GAK: variants seen among roughly 807,000 people sequenced by gnomAD.
The protein encoded by GAK is cyclin-G-associated kinase.
A neutral mutation model predicts 143.9 loss-of-function variants in GAK; 79 were observed. The observed-to-expected ratio is 0.55, with a 90% CI of 0.46 to 0.66. The LOEUF (loss-of-function observed/expected upper bound fraction) is 0.66. GAK is among the 30% of genes least tolerant of loss of function. The pLI is 0.00. For synonymous variants in GAK, 881 were observed against 765.5 expected, an observed-to-expected ratio of 1.15 and a Z score of -2.49; for missense variants, 1,693 against 1,779.7, an observed-to-expected ratio of 0.95 and a Z score of 0.88.
intron 26 of GAK, 165 bp from the exon 27 acceptor site, chr4:850,233 G>C (rs1747881009): frequency 3.2e-6 from 2 of 618,146 alleles, no homozygotes; most frequent in South Asian, 2.5e-5. Flanking sequence ...CAACTATATA[G>C]AGCCCACTCC....
Position 876,976 on chromosome 4 carries a change from A to G in GAK, c.1974+114T>C, listed in dbSNP as rs929641385. ...CGCCACATGAGAGCCCACGGCACTC[A>G]CCAAACAGCGAGCACCCTGGACCCT... On this transcript the variant is annotated intron_variant, in intron 17 of 27. Transcript: ENST00000314167. The G allele has an allele frequency of 3.5e-5, 25 of 718,750 alleles. No homozygotes were observed. In the African/African-American group the frequency reaches 4.4e-4, roughly 13 times the overall value. The allele number at this position is 718,750 out of a possible 1,614,324, so 44.5% of individuals were successfully genotyped here.
chr4:890,269 G>A (rs895309072), intron 10 of GAK, among the ~76,000 whole-genome samples: 11 of 152,164 alleles, frequency 7.2e-5, no homozygotes, highest in African/African-American at 2.2e-4. Context: ...GCCCTGCCCT[G>A]GAGCCTCTTC....
chr4:859,540 G>A (rs1749906193), intron 24 of GAK, 66 bp downstream of exon 24: 1 of 1,591,058 alleles, frequency 6.3e-7, no homozygotes, highest in Non-Finnish European at 8.6e-7. Flanking sequence ...CTCAGAGTCA[G>A]ATAGACGAGA....
rs967061201 is a variant in GAK, at chr4:905,482, C to T, written c.383-703G>A. ...CTCCGCCACGCCCCATGCCATGCTACGGACTCCGCCACGCCCCATGCCACG... is the reference window on the plus strand; with the variant it reads ...CTCCGCCACGCCCCATGCCATGCTATGGACTCCGCCACGCCCCATGCCACG... On this transcript the variant is annotated intron_variant, in intron 4 of 27. Coordinates refer to ENST00000314167, the MANE Select transcript of GAK (RefSeq NM_005255.4). 4.9e-5 allele frequency among the ~76,000 whole-genome samples: 7 copies of T among 142,074 alleles called. 1 individual carries two copies. Among genetic ancestry groups the T allele is most frequent in the Non-Finnish European group, 7.6e-5 (5 of 65,878 alleles). The allele number at this position is 142,074 out of a possible 152,430, so 93.2% of individuals were successfully genotyped here.
In GAK at chr4:904,830, A is replaced by G. The variant is rs763552855; in HGVS notation, c.383-51T>C. The G allele has an allele frequency of 1.9e-6, 3 of 1,577,086 alleles. No homozygotes were observed. The African/African-American group carries it at 4.1e-5, about 21-fold the overall frequency. ...AGGCAGGAGAACAGGGTCCGGAGACAGGGAACCTAGGGCTGTTTCACGCGG... is the reference window on the plus strand; with the variant it reads ...AGGCAGGAGAACAGGGTCCGGAGACGGGGAACCTAGGGCTGTTTCACGCGG... On this transcript the variant is annotated intron_variant, in intron 4 of 27. Transcript: ENST00000314167.
At chr4:851,695 G>A (rs1560269428) in intron 25 of GAK, 55 bp downstream of exon 25, 1 of 1,541,888 alleles carries the variant, frequency 6.5e-7, no homozygotes, top group South Asian at 1.1e-5. Flanking sequence ...TCTACCTTTA[G>A]CCAATTCAGG....
At chr4:851,656 G>A (rs1371718541) in intron 25 of GAK, 94 bp downstream of exon 25, 22 of 1,323,644 alleles carry the variant, frequency 1.7e-5, no homozygotes, top group Non-Finnish European at 2.3e-5. Flanking sequence ...CCCAGGACTG[G>A]GCTCTGAGAT....
At chr4:912,468 G>A in intron 3 of GAK, 1 of 430,938 alleles carries the variant, frequency 2.3e-6, no homozygotes, top group South Asian at 2.4e-5. Flanking sequence ...CCCATCCACT[G>A]GGCAGGGAGA....
chr4:885,311 C>T (rs1050534938), intron 11 of GAK, among the ~76,000 whole-genome samples: 2 of 152,212 alleles, frequency 1.3e-5, no homozygotes, highest in South Asian at 4.1e-4. Flanking sequence ...TGCGGTGGCT[C>T]ATGCCTGTAA....
At chr4:895,499 G>T (rs1490955296) in intron 7 of GAK, among the ~76,000 whole-genome samples, 1 of 152,198 alleles carries the variant, frequency 6.6e-6, no homozygotes, top group Non-Finnish European at 1.5e-5. Flanking sequence ...AAGGGACACA[G>T]GGCCTCAGCC....
chr4:890,023 G>A (rs1309901865), intron 10 of GAK, among the ~76,000 whole-genome samples: 1 of 152,168 alleles, frequency 6.6e-6, no homozygotes, highest in Non-Finnish European at 1.5e-5. Context: ...CCTCAGGGTC[G>A]CTACTGTAGT....
At chr4:911,210 G>A (rs1407583425) in intron 4 of GAK, among the ~76,000 whole-genome samples, 1 of 152,088 alleles carries the variant, frequency 6.6e-6, no homozygotes, top group Non-Finnish European at 1.5e-5. Flanking sequence ...TCTTCTCCTT[G>A]CCAGGACCCC....
At chr4:924,859 G>A (rs1311680596) in intron 1 of GAK, among the ~76,000 whole-genome samples, 1 of 148,970 alleles carries the variant, frequency 6.7e-6, no homozygotes, top group African/African-American at 2.5e-5. Context: ...AGGATAGTGA[G>A]TGCTCTCCTG....
chr4:921,931 C>CG (rs1267117221), intron 1 of GAK, among the ~76,000 whole-genome samples: 1 of 152,112 alleles, frequency 6.6e-6, no homozygotes, highest in Non-Finnish European at 1.5e-5. Flanking sequence ...CCCAAGCTAT[C>CG]GGGAAAATGC....
chr4:865,498 G>A (rs188027885), intron 22 of GAK, among the ~76,000 whole-genome samples: 11 of 152,282 alleles, frequency 7.2e-5, no homozygotes, highest in East Asian at 5.8e-4. Context: ...AAGCATCTGC[G>A]CATTCCCATC....
At position 897,310 on chromosome 4, in the gene GAK, C is replaced by A. The variant is rs3755964; in HGVS notation, c.651+723G>T. Among the ~76,000 whole-genome samples the A allele has an allele frequency of 8.5e-5, 13 of 152,270 alleles. No individual in the cohort carries two copies. In the East Asian group the frequency reaches 2.1e-3, roughly 25 times the overall value. On this transcript the variant is annotated intron_variant, in intron 6 of 27. Coordinates refer to ENST00000314167, the MANE Select transcript of GAK (RefSeq NM_005255.4). Reference sequence around the variant, plus strand: ...AAGGGAATGGGAAAATGAGAGCTTACGGAAAGCAGGATAAAGCGCCCTCCA... The same window carrying A: ...AAGGGAATGGGAAAATGAGAGCTTAAGGAAAGCAGGATAAAGCGCCCTCCA...
At chr4:850,807 G>T in intron 26 of GAK, 129 bp downstream of exon 26, 1 of 1,023,452 alleles carries the variant, frequency 9.8e-7, no homozygotes, top group Non-Finnish European at 1.4e-6. Flanking sequence ...GGCTCCATGT[G>T]GTACAGCAGA....
At position 849,885 on chromosome 4, in the gene GAK, T is replaced by C. The variant is rs1359308681; in HGVS notation, c.3834+7A>G. 7 of 1,552,240 alleles carry C rather than the reference T, an allele frequency of 4.5e-6. No individual in the cohort carries two copies. Among genetic ancestry groups the C allele is most frequent in the Non-Finnish European group, 6.1e-6 (7 of 1,146,572 alleles). On this transcript the variant is annotated splice_region_variant and intron_variant, in intron 27 of 27. Transcript: ENST00000314167. ...GCCTCAAGCGGCCGCCTGGCAGCTCTGCTCACCTTGTCGGGGTGCACAGCC... is the reference window on the plus strand; with the variant it reads ...GCCTCAAGCGGCCGCCTGGCAGCTCCGCTCACCTTGTCGGGGTGCACAGCC...
intron 11 of GAK, among the ~76,000 whole-genome samples, chr4:885,225 A>G (rs2152824837): frequency 6.6e-6 from 1 of 152,316 alleles, no homozygotes; most frequent in African/African-American, 2.4e-5. Flanking sequence ...GCAGCAAGAG[A>G]CAAACAGGCC....
Sources: allele counts gnomAD v4.1 joint callset (sites outside exome capture counted in the v4.1 genomes callset), GRCh38; gene constraint gnomAD v4.1.1; transcripts MANE v1.5; gene names NCBI Gene and HGNC (gene_info 2026-07-23, HGNC 2026-07-21).